The following ACYP2 variants were observed in gnomAD, a reference collection of about 807,000 sequenced individuals.
The protein encoded by ACYP2 is acylphosphatase 2.
Under a neutral mutation model 11.2 loss-of-function variants are expected in ACYP2, and 12 were observed. The ratio of observed to expected loss-of-function variants is 1.08; its 90% CI spans 0.69 to 1.74. ACYP2 has a LOEUF of 1.74. Ranked by LOEUF, ACYP2 falls within the 40% of genes most tolerant of loss-of-function variation. The pLI is 0.00. For synonymous variants in ACYP2, 43 were observed against 32.2 expected (o/e 1.33, Z -1.13); for missense variants, 134 against 101.9 (o/e 1.31, Z -1.35).
intron 2 of ACYP2, among the ~76,000 whole-genome samples, chr2:53,998,675 G>T (rs888291591): frequency 1.4e-4 from 22 of 152,096 alleles, no homozygotes; most frequent in South Asian, 1.2e-3. Context: ...AATTAGCTGG[G>T]CATGGTGGCC....
chr2:54,242,997 C>T (rs554722227), intron 6 of ACYP2, among the ~76,000 whole-genome samples: 1 of 152,220 alleles, frequency 6.6e-6, no homozygotes, highest in African/African-American at 2.4e-5. Flanking sequence ...TTTTTCTTAC[C>T]ATTATAAGAA....
chr2:54,197,869 G>A (rs1684557549), intron 6 of ACYP2, among the ~76,000 whole-genome samples: 1 of 152,012 alleles, frequency 6.6e-6, no homozygotes, highest in Non-Finnish European at 1.5e-5. Flanking sequence ...AGGGTTTTAA[G>A]CAGGGTTCAA....
At chr2:54,230,113 A>C (rs997527171) in intron 6 of ACYP2, among the ~76,000 whole-genome samples, 1 of 152,216 alleles carries the variant, frequency 6.6e-6, no homozygotes, top group African/African-American at 2.4e-5. Flanking sequence ...TTTCCTTGTT[A>C]TACCTTGAAA....
chr2:54,095,761 G>A (rs1342364212), intron 4 of ACYP2, among the ~76,000 whole-genome samples: 2 of 125,376 alleles, frequency 1.6e-5, no homozygotes, highest in South Asian at 2.8e-4. Context: ...CTCACCTCCC[G>A]GACGGGGCGG....
At chr2:54,275,315 T>C (rs73930584) in intron 6 of ACYP2, among the ~76,000 whole-genome samples, 1,836 of 152,336 alleles carry the variant, frequency 0.012, 43 homozygotes, top group African/African-American at 0.04. Flanking sequence ...CAGCTGACTA[T>C]TTAGGTCTCG....
chr2:54,208,150 A>G (rs3915270), intron 6 of ACYP2, among the ~76,000 whole-genome samples: 36,552 of 151,502 alleles, frequency 0.24, 4,579 homozygotes, highest in East Asian at 0.4. Flanking sequence ...ATTTTTTTGT[A>G]TGTGTGTCAC....
At chr2:54,032,643 T>A (rs1289343258) in intron 2 of ACYP2, among the ~76,000 whole-genome samples, 1 of 152,212 alleles carries the variant, frequency 6.6e-6, no homozygotes, top group African/African-American at 2.4e-5. Flanking sequence ...TTTAAAGTAG[T>A]TTTTTCCAAT....
intron 6 of ACYP2, among the ~76,000 whole-genome samples, chr2:54,299,496 G>A (rs1326001009): frequency 6.6e-6 from 1 of 151,852 alleles, no homozygotes; most frequent in Non-Finnish European, 1.5e-5. Context: ...GGAGGCTGAG[G>A]TGGGAGAATT....
intron 6 of ACYP2, among the ~76,000 whole-genome samples, chr2:54,170,613 G>T (rs1011554818): frequency 6.6e-6 from 1 of 151,656 alleles, no homozygotes; most frequent in Admixed American, 6.6e-5. Flanking sequence ...CTCTTAGGCG[G>T]TTGGAAGTAT....
chr2:54,260,677 G>A (rs843697), intron 6 of ACYP2, among the ~76,000 whole-genome samples: 61,706 of 151,928 alleles, frequency 0.41, 12,668 homozygotes, highest in South Asian at 0.55. Flanking sequence ...AGAGACAGTG[G>A]TTTGAGAATG....
At chr2:54,052,158 AGTTT>A (rs754664250) in intron 3 of ACYP2, among the ~76,000 whole-genome samples, 21 of 152,248 alleles carry the variant, frequency 1.4e-4, no homozygotes, top group Admixed American at 3.3e-4. Context: ...ATGCTGAATA[AGTTT>A]GTTTTAGTGC....
intron 4 of ACYP2, among the ~76,000 whole-genome samples, chr2:54,076,214 C>T (rs1386762466): frequency 1.3e-5 from 2 of 152,178 alleles, no homozygotes; most frequent in African/African-American, 4.8e-5. Context: ...AAACTGATAA[C>T]ACCAGAGAAA....
rs1679395651 is a variant in ACYP2, at chr2:54,110,354, C to T, written c.278-25099C>T. 2.0e-5 allele frequency among the ~76,000 whole-genome samples: 3 copies of T among 152,036 alleles called. No individual in the cohort carries two copies. The South Asian group carries it at 6.2e-4, about 32-fold the overall frequency. On this transcript the variant is annotated intron_variant, in intron 4 of 6. Transcript: ENST00000607452. Reference sequence around the variant, plus strand: ...CAGATAAGGCCTTTAAAGAATATACCCACGATGCCGTTATCACAGTGACAA... The same window carrying T: ...CAGATAAGGCCTTTAAAGAATATACTCACGATGCCGTTATCACAGTGACAA...
chr2:54,113,831 T>C (rs1196602279), intron 4 of ACYP2, among the ~76,000 whole-genome samples: 3 of 151,958 alleles, frequency 2.0e-5, no homozygotes, highest in African/African-American at 7.3e-5. Context: ...AATGCAGGAT[T>C]TGCATAAGCA....
intron 6 of ACYP2, among the ~76,000 whole-genome samples, chr2:54,169,742 C>T (rs11899522): frequency 0.12 from 18,002 of 151,958 alleles, 2,441 homozygotes; most frequent in African/African-American, 0.33. Flanking sequence ...TTTTATTTTT[C>T]AATAATTCTA....
At chr2:54,100,370 A>G (rs1678828316) in intron 4 of ACYP2, among the ~76,000 whole-genome samples, 1 of 150,022 alleles carries the variant, frequency 6.7e-6, no homozygotes, top group Admixed American at 6.7e-5. Context: ...TGGCATGATC[A>G]CGGCTCACTG....
intron 2 of ACYP2, among the ~76,000 whole-genome samples, chr2:53,998,588 G>A (rs1672674240): frequency 6.6e-6 from 1 of 152,088 alleles, no homozygotes; most frequent in African/African-American, 2.4e-5. Context: ...GCTGAGAGGG[G>A]TGGATCGTTT....
At chr2:54,100,691 A>T (rs1368795319) in intron 4 of ACYP2, among the ~76,000 whole-genome samples, 1 of 152,164 alleles carries the variant, frequency 6.6e-6, no homozygotes, top group Non-Finnish European at 1.5e-5. Context: ...CCATGTCAGG[A>T]ATAGTATTTA....
At chr2:54,285,471 T>G (rs144581531) in intron 6 of ACYP2, among the ~76,000 whole-genome samples, 58 of 152,320 alleles carry the variant, frequency 3.8e-4, no homozygotes, top group African/African-American at 1.3e-3. Flanking sequence ...AATTTATAAT[T>G]CCAGTTTCAA....
Sources: gnomAD v4.1 joint callset for allele counts (sites outside exome capture counted in the v4.1 genomes callset) on GRCh38, gnomAD v4.1.1 for gene constraint, MANE v1.5 for transcripts, NCBI Gene and HGNC (gene_info 2026-07-23, HGNC 2026-07-21) for gene names.